NPAS3: variants seen among roughly 807,000 people sequenced by gnomAD.
NPAS3 encodes the protein neuronal PAS domain-containing protein 3.
NPAS3 carries 14 observed loss-of-function variants against 73.1 expected under a neutral mutation model. The ratio of observed to expected loss-of-function variants is 0.19; its 90% CI spans 0.13 to 0.30. The LOEUF (loss-of-function observed/expected upper bound fraction) is 0.30. NPAS3 is among the 10% of genes least tolerant of loss of function. The pLI is 1.00. For missense variants in NPAS3, 1,096 were observed against 1,250.0 expected (o/e 0.88, Z 1.86); for synonymous variants, 620 against 541.5 (o/e 1.14, Z -2.01).
intron 3 of NPAS3, among the ~76,000 whole-genome samples, chr14:33,314,499 A>G (rs1286451385): frequency 6.6e-5 from 10 of 152,064 alleles, no homozygotes; most frequent in Admixed American, 6.6e-4. Flanking sequence ...GACCTGACAC[A>G]TGGTGAGGAT....
At chr14:33,172,275 G>A (rs2139384941) in intron 2 of NPAS3, among the ~76,000 whole-genome samples, 1 of 152,328 alleles carries the variant, frequency 6.6e-6, no homozygotes, top group Middle Eastern at 3.4e-3. Flanking sequence ...AAAAAGCACA[G>A]TATATGTGGT....
At chr14:33,596,568 T>C (rs2057248199) in intron 5 of NPAS3, among the ~76,000 whole-genome samples, 1 of 152,218 alleles carries the variant, frequency 6.6e-6, no homozygotes, top group Non-Finnish European at 1.5e-5. Context: ...TCTCAGGACA[T>C]CGGTAAAGAG....
intron 2 of NPAS3, among the ~76,000 whole-genome samples, chr14:33,209,545 T>C (rs533569475): frequency 6.6e-6 from 1 of 152,194 alleles, no homozygotes; most frequent in African/African-American, 2.4e-5. Context: ...GTTCAAAGGT[T>C]CATGAGTTAA....
intron 5 of NPAS3, among the ~76,000 whole-genome samples, chr14:33,644,915 T>C (rs1357675160): frequency 1.3e-5 from 2 of 151,890 alleles, no homozygotes; most frequent in African/African-American, 2.4e-5. Context: ...ACCTCGTCTT[T>C]ACTAAAAATA....
intron 5 of NPAS3, among the ~76,000 whole-genome samples, chr14:33,617,040 A>G (rs1025012943): frequency 1.3e-5 from 2 of 152,208 alleles, no homozygotes; most frequent in Non-Finnish European, 2.9e-5. Flanking sequence ...CAAAGGCTAA[A>G]AGATGAATCT....
At chr14:33,188,703 T>C (rs1365030602) in intron 2 of NPAS3, among the ~76,000 whole-genome samples, 1 of 152,230 alleles carries the variant, frequency 6.6e-6, no homozygotes, top group Non-Finnish European at 1.5e-5. Context: ...GAGAAGATTA[T>C]ATCTGCAACT....
chr14:33,051,296 AAG>A lies in NPAS3; in HGVS notation c.51-4603_51-4602del, dbSNP rs1555328994. On this transcript the variant is annotated intron_variant, in intron 1 of 11. Transcript: ENST00000356141. ...ACTCCGTCTCAAAAAAAAAAAAAAA[AAG>A]AGAGACTAAAGAACTTCCCCACTAC... Among the ~76,000 whole-genome samples, 68 of 142,578 alleles carry A rather than the reference AAG, an allele frequency of 4.8e-4. 2 individuals are homozygous for A. The highest frequency in any genetic ancestry group is 4.4e-3 in the Admixed American group (63 of 14,420). The allele number at this position is 142,578 out of a possible 152,430, so 93.5% of individuals were successfully genotyped here. A position where few individuals can be genotyped will look rare whatever the true frequency, so the allele number is the denominator to read the frequency against.
chr14:33,022,822 C>T (rs972277875), intron 1 of NPAS3, among the ~76,000 whole-genome samples: 1 of 151,952 alleles, frequency 6.6e-6, no homozygotes, highest in African/African-American at 2.4e-5. Flanking sequence ...TATTAACATT[C>T]ATCAAAATCA....
At chr14:33,578,222 T>G (rs781325432) in intron 5 of NPAS3, 6 of 455,978 alleles carry the variant, frequency 1.3e-5, no homozygotes, top group South Asian at 9.3e-5. Context: ...AGACGGAGTT[T>G]TACTCTTGTT....
intron 3 of NPAS3, among the ~76,000 whole-genome samples, chr14:33,231,537 A>G (rs1025074422): frequency 6.6e-6 from 1 of 152,126 alleles, no homozygotes; most frequent in Non-Finnish European, 1.5e-5. Flanking sequence ...TAGTATGGTG[A>G]TCTATGATCA....
chr14:33,520,368 G>C (rs942373888), intron 4 of NPAS3, among the ~76,000 whole-genome samples: 3 of 152,032 alleles, frequency 2.0e-5, no homozygotes, highest in African/African-American at 7.2e-5. Flanking sequence ...CCTCTTTGCT[G>C]TCTGAGTTTG....
chr14:33,452,547 C>T (rs150544238), intron 4 of NPAS3, among the ~76,000 whole-genome samples: 20 of 151,786 alleles, frequency 1.3e-4, no homozygotes, highest in African/African-American at 4.1e-4. Flanking sequence ...CTGAGGCAGG[C>T]GGATCATGAG....
At chr14:33,575,648 C>G (rs921916964) in intron 5 of NPAS3, among the ~76,000 whole-genome samples, 16 of 152,088 alleles carry the variant, frequency 1.1e-4, no homozygotes, top group African/African-American at 3.6e-4. Flanking sequence ...GATTTGTTTG[C>G]TTTGTTGTTT....
chr14:33,262,748 A>G (rs999296177), intron 3 of NPAS3, among the ~76,000 whole-genome samples: 12 of 152,222 alleles, frequency 7.9e-5, no homozygotes, highest in African/African-American at 2.4e-5. Context: ...AATTTTCTTA[A>G]TGAAAATAAG....
intron 2 of NPAS3, among the ~76,000 whole-genome samples, chr14:33,117,163 G>A (rs1427315102): frequency 6.6e-6 from 1 of 151,914 alleles, no homozygotes; most frequent in East Asian, 1.9e-4. Flanking sequence ...AGGGTATTTA[G>A]CATGACCATC....
intron 5 of NPAS3, among the ~76,000 whole-genome samples, chr14:33,622,885 C>G (rs1317081116): frequency 6.6e-6 from 1 of 152,080 alleles, no homozygotes; most frequent in African/African-American, 2.4e-5. Context: ...TGCCCGGCAC[C>G]CAATACCATG....
chr14:33,752,832 T>A (rs2140772922), intron 7 of NPAS3, among the ~76,000 whole-genome samples: 1 of 152,124 alleles, frequency 6.6e-6, no homozygotes, highest in South Asian at 2.1e-4. Flanking sequence ...CTTTCTGATA[T>A]TTTTTTTCAA....
intron 4 of NPAS3, among the ~76,000 whole-genome samples, chr14:33,403,342 G>A (rs1241573365): frequency 6.6e-6 from 1 of 151,716 alleles, no homozygotes; most frequent in African/African-American, 2.4e-5. Context: ...CTTAGCAGGA[G>A]GCTTGTGGTA....
At chr14:33,114,895 G>T (rs2043011280) in intron 2 of NPAS3, among the ~76,000 whole-genome samples, 1 of 152,116 alleles carries the variant, frequency 6.6e-6, no homozygotes, top group African/African-American at 2.4e-5. Flanking sequence ...ATTAAAAGAT[G>T]CAAAAATGTA....
Sources: allele counts gnomAD v4.1 joint callset (sites outside exome capture counted in the v4.1 genomes callset), GRCh38; gene constraint gnomAD v4.1.1; transcripts MANE v1.5; gene names NCBI Gene and HGNC (gene_info 2026-07-23, HGNC 2026-07-21).